Variants in MDN1 observed in about 807,000 individuals in gnomAD.
MDN1 encodes the protein midasin.
MDN1 carries 266 observed loss-of-function variants against 669.2 expected under a neutral mutation model. The ratio of observed to expected loss-of-function variants is 0.40; its 90% CI spans 0.36 to 0.44. MDN1 has a LOEUF of 0.44. Ranked by LOEUF, MDN1 falls within the 20% of genes least tolerant of loss-of-function variation. MDN1 has a pLI of 1.00. For synonymous variants in MDN1, 2,385 were observed against 2,457.1 expected (o/e 0.97, Z 0.87); for missense variants, 5,940 against 6,754.0 (o/e 0.88, Z 4.22).
chr6:89,787,382 C>T lies in MDN1; in HGVS notation c.1334+472G>A, dbSNP rs142288185. 3.0e-3 allele frequency among the ~76,000 whole-genome samples: 464 copies of T among 152,244 alleles called. 3 individuals carry two copies. Among genetic ancestry groups the T allele is most frequent in the African/African-American group, 0.01 (426 of 41,534 alleles). ...TTATATCCAATTAATTTTTCAATTG[C>T]CTGAAATCTACCTATCATTATCACC... On this transcript the variant is annotated intron_variant, in intron 8 of 101. Coordinates refer to ENST00000369393, the MANE Select transcript of MDN1 (RefSeq NM_014611.3).
chr6:89,720,522 G>A (rs1183540960), intron 40 of MDN1, among the ~76,000 whole-genome samples: 1 of 150,916 alleles, frequency 6.6e-6, no homozygotes, highest in Non-Finnish European at 1.5e-5. Flanking sequence ...TATTTTTCTT[G>A]ACCTTGTCTC....
chr6:89,819,573 G>A lies in MDN1; in HGVS notation c.35C>T (p.Pro12Leu). The change falls in exon 1 of 102, where the codon CCG becomes CTG. Residue 12 changes from proline (P) to leucine (L), a missense_variant. By Grantham distance (98) the Pro-to-Leu change is moderately conservative. This residue lies in a region of MDN1 where 1,203 missense variants were observed against 1,268.9 expected (regional missense o/e 0.95). Coordinates refer to ENST00000369393, the MANE Select transcript of MDN1 (RefSeq NM_014611.3). ...GTTCTTGGCTGCGATTAACCGCAGCGGCGCGGCTGCCACCTCCAGCAAGAA... is the reference window on the plus strand; with the variant it reads ...GTTCTTGGCTGCGATTAACCGCAGCAGCGCGGCTGCCACCTCCAGCAAGAA... Reference protein sequence around the residue: ...EHFLLEVAAAPLRLIAAKNEK... With the variant: ...EHFLLEVAAALLRLIAAKNEK... 2 of 1,603,158 alleles carry A rather than the reference G, an allele frequency of 1.2e-6. No individual in the cohort carries two copies. The highest frequency in any genetic ancestry group is 2.2e-5 in the East Asian group (1 of 44,868).
Position 89,740,375 on chromosome 6 carries a change from G to A in MDN1, c.4452C>T (p.Val1484=). 1 of 1,572,248 alleles carries A rather than the reference G, an allele frequency of 6.4e-7. No homozygotes were observed. Among genetic ancestry groups the A allele is most frequent in the Non-Finnish European group, 8.6e-7 (1 of 1,167,980 alleles). Residue 1484 remains valine, a synonymous_variant, in exon 32 of 102, where the codon GTC becomes GTT. Coordinates refer to ENST00000369393, the MANE Select transcript of MDN1 (RefSeq NM_014611.3). ...DDSVLERLNS[V]LEVEKSLVLA... ...ATACCAGAGACTTTTCTACTTCAAG[G>A]ACACTAAAAGAAAAATTGAAGAACA...
intron 1 of MDN1, among the ~76,000 whole-genome samples, chr6:89,815,881 G>A (rs1182542865): frequency 6.6e-6 from 1 of 152,202 alleles, no homozygotes; most frequent in Non-Finnish European, 1.5e-5. Context: ...GGACCTGGAG[G>A]AAGGCATAGG....
intron 39 of MDN1, 133 bp from the exon 40 acceptor site, chr6:89,723,276 C>G: frequency 3.3e-6 from 3 of 912,014 alleles, no homozygotes; most frequent in Non-Finnish European, 5.0e-6. Context: ...GAGCCTCTTT[C>G]TCAAGACTTC....
intron 2 of MDN1, 148 bp downstream of exon 2, chr6:89,803,180 C>G (rs927172571): frequency 4.2e-6 from 3 of 714,976 alleles, no homozygotes; most frequent in Non-Finnish European, 7.1e-6. Context: ...ATGGATTCTG[C>G]TGTGACTCTT....
chr6:89,649,182 G>A (rs1383936259), intron 97 of MDN1, among the ~76,000 whole-genome samples: 1 of 152,090 alleles, frequency 6.6e-6, no homozygotes, highest in African/African-American at 2.4e-5. Flanking sequence ...ATTACCATTT[G>A]CAATATGACA....
chr6:89,781,634 G>T, intron 9 of MDN1, 42 bp from the exon 10 acceptor site: 1 of 1,489,180 alleles, frequency 6.7e-7, no homozygotes, highest in Non-Finnish European at 9.0e-7. Flanking sequence ...CAGCCAGCAT[G>T]GTAATTTTTG....
intron 61 of MDN1, 121 bp from the exon 62 acceptor site, chr6:89,694,304 A>C: frequency 1.3e-6 from 1 of 762,946 alleles, no homozygotes; most frequent in Admixed American, 2.1e-5. Context: ...GAATGACCCA[A>C]GGAGAGGTGG....
Position 89,819,558 on chromosome 6 carries a change from G to T in MDN1, c.50C>A (p.Ala17Glu). The change falls in exon 1 of 102, where the codon GCA becomes GAA. Residue 17 changes from alanine (A) to glutamate (E), a missense_variant. Ala to Glu is a moderately radical substitution (Grantham distance 107). This residue lies in a region of MDN1 where 1,203 missense variants were observed against 1,268.9 expected (regional missense o/e 0.95). Coordinates refer to ENST00000369393, the MANE Select transcript of MDN1 (RefSeq NM_014611.3). ...EVAAAPLRLI[A>E]AKNEKSRSEL... ...ACTGCGGCTCTTCTCGTTCTTGGCT[G>T]CGATTAACCGCAGCGGCGCGGCTGC... 2 of 1,604,428 alleles carry T rather than the reference G, an allele frequency of 1.2e-6. No individual in the cohort carries two copies. Among genetic ancestry groups the T allele is most frequent in the Non-Finnish European group, 8.5e-7 (1 of 1,179,970 alleles).
At chr6:89,644,914 T>C (rs182551507) in intron 101 of MDN1, 101 bp downstream of exon 101, 2 of 1,250,056 alleles carry the variant, frequency 1.6e-6, no homozygotes, top group East Asian at 4.7e-5. Flanking sequence ...TGCTGGGAGT[T>C]CTCAGTATGA....
At chr6:89,708,676 T>G (rs777035027) in intron 50 of MDN1, 48 bp from the exon 51 acceptor site, 8 of 1,586,768 alleles carry the variant, frequency 5.0e-6, no homozygotes, top group Non-Finnish European at 6.9e-6. Context: ...TTGGAGAAAC[T>G]CCTTGCCTGG....
rs775526581 is a variant in MDN1 at position 89,685,845 on chromosome 6, G to C, written c.11701C>G (p.Pro3901Ala). 1 of 1,613,686 alleles carries C rather than the reference G, an allele frequency of 6.2e-7. No individual in the cohort carries two copies. The highest frequency in any genetic ancestry group is 2.2e-5 in the East Asian group (1 of 44,866). The stretch of plus-strand genomic sequence containing the variant: ...TCCTCACCCTTTCCTTCAACCTGTG[G>C]CATCAGCAAGACATGACAATGGAAA... The part of the protein sequence containing the change: ...LVFHCHVLLM[P>A]QVEGKDSLCS... The change falls in exon 70 of 102, where the codon CCA becomes GCA. Residue 3901 changes from proline to alanine, a missense_variant. By Grantham distance (27) the Pro-to-Ala change is conservative (BLOSUM62 -1). Coordinates refer to ENST00000369393, the MANE Select transcript of MDN1 (RefSeq NM_014611.3).
chr6:89,667,575 T>C (rs1438652459), intron 84 of MDN1, among the ~76,000 whole-genome samples: 4 of 152,246 alleles, frequency 2.6e-5, no homozygotes, highest in Admixed American at 6.5e-5. Flanking sequence ...GGTTGCTTGA[T>C]TCCAACCAAA....
chr6:89,793,823 G>A lies in MDN1; in HGVS notation c.794C>T (p.Pro265Leu). 1.2e-6 allele frequency: 2 copies of A among 1,614,126 alleles called. No homozygotes were observed. The highest frequency in any genetic ancestry group is 1.7e-6 in the Non-Finnish European group (2 of 1,180,020). ...CACACCACAAACAGCTGTCACCCTA[G>A]GGGAGAGGTCAGACGAAACAAGATG... ...QGHLVSSDLS[P>L]RVTAVCGVVL... The change falls in exon 5 of 102, where the codon CCT becomes CTT. Residue 265 changes from proline to leucine, a missense_variant. This residue lies in a region of MDN1 where 1,203 missense variants were observed against 1,268.9 expected (regional missense o/e 0.95). Coordinates refer to ENST00000369393, the MANE Select transcript of MDN1 (RefSeq NM_014611.3).
chr6:89,750,391 G>T lies in MDN1; in HGVS notation c.3369C>A (p.Tyr1123Ter). Reference protein sequence around the residue: ...HTDIQEYIGCYTSDSSGKLVF... With the variant: ...HTDIQEYIGC Reference sequence around the variant, plus strand: ...CAAGCTTCCCTGAGGAGTCAGACGTGTAACAACCAATGTACTCCTGAATAT... The same window carrying T: ...CAAGCTTCCCTGAGGAGTCAGACGTTTAACAACCAATGTACTCCTGAATAT... The change falls in exon 24 of 102, where the codon TAC becomes TAA. Residue 1123 changes from tyrosine (Y) to a stop codon, truncating the protein, a stop_gained. Transcript: ENST00000369393. LOFTEE classifies it high-confidence loss of function. The T allele has an allele frequency of 6.2e-7, 1 of 1,613,478 alleles. No individual in the cohort carries two copies. Among genetic ancestry groups the T allele is most frequent in the Non-Finnish European group, 8.5e-7 (1 of 1,179,440 alleles).
chr6:89,714,749 A>G lies in MDN1; in HGVS notation c.6863T>C (p.Leu2288Pro), dbSNP rs1562129707. ...ATGAACAGGATCCATCGAGAGGAAA[A>G]GTCTAGAAAAATAGCAATTCAAAGA... ...PTITPNPNFR[L>P]FLSMDPVHGD... is the part of the protein sequence containing the mutation. The change falls in exon 46 of 102, where the codon CTT (leucine) becomes CCT (proline). Residue 2288 changes from leucine to proline, a missense_variant and splice_region_variant. This residue lies in a region of MDN1 where 2,292 missense variants were observed against 2,638.3 expected (regional missense o/e 0.87). Transcript: ENST00000369393. 6.2e-7 allele frequency: 1 copy of G among 1,605,718 alleles called. No homozygotes were observed. Among genetic ancestry groups the G allele is most frequent in the Middle Eastern group, 1.7e-4 (1 of 5,994 alleles).
chr6:89,679,935 G>A (rs950737213), intron 74 of MDN1, among the ~76,000 whole-genome samples: 6 of 152,174 alleles, frequency 3.9e-5, no homozygotes, highest in African/African-American at 1.4e-4. Flanking sequence ...GTCACCTTGA[G>A]CAACGGCTGA....
At chr6:89,735,348 A>T (rs937441226) in intron 33 of MDN1, among the ~76,000 whole-genome samples, 8 of 148,858 alleles carry the variant, frequency 5.4e-5, no homozygotes, top group East Asian at 4.0e-4. Flanking sequence ...TTTTTTTTTT[A>T]AACACATCAA....
Sources: gnomAD v4.1 joint callset for allele counts (sites outside exome capture counted in the v4.1 genomes callset) on GRCh38, gnomAD v4.1.1 for gene constraint, gnomAD v4.1.1 regional missense constraint, MANE v1.5 for transcripts, NCBI Gene and HGNC (gene_info 2026-07-23, HGNC 2026-07-21) for gene names.